Variants in SPDYA observed in about 807,000 individuals in gnomAD.
SPDYA encodes speedy protein A.
In SPDYA, 11 loss-of-function variants were observed where a neutral mutation model predicts 36.7. The observed-to-expected ratio is 0.30, with a 90% CI of 0.19 to 0.50. SPDYA has a LOEUF of 0.50. Ranked by LOEUF, SPDYA falls within the 20% of genes least tolerant of loss-of-function variation. The pLI is 0.98. For missense variants in SPDYA, 287 were observed against 370.9 expected, an observed-to-expected ratio of 0.77 and a Z score of 1.86; for synonymous variants, 115 against 118.7, an observed-to-expected ratio of 0.97 and a Z score of 0.20.
Position 28,819,107 on chromosome 2 carries a change from G to T in SPDYA, c.294+1G>T, listed in dbSNP as rs772759808. The T allele has an allele frequency of 1.2e-6, 2 of 1,608,310 alleles. No homozygotes were observed. The stretch of plus-strand genomic sequence containing the variant: ...CTGCTGCTGTAAAATTGCAGACAAG[G>T]TAAATTTGGTAACAGTATAACAATT... On this transcript the variant is annotated splice_donor_variant, in intron 4 of 7. Transcript: ENST00000334056. LOFTEE classifies it high-confidence loss of function.
chr2:28,823,420 C>T (rs546389673), intron 5 of SPDYA, among the ~76,000 whole-genome samples: 17 of 151,756 alleles, frequency 1.1e-4, no homozygotes, highest in Admixed American at 7.2e-4. Context: ...GTCAGGAGTT[C>T]GATACCAGCC....
chr2:28,841,858 C>T (rs1222631710), intron 7 of SPDYA, among the ~76,000 whole-genome samples: 1 of 152,100 alleles, frequency 6.6e-6, no homozygotes, highest in African/African-American at 2.4e-5. Context: ...ATAGCAAGAC[C>T]CCATCTATTT....
intron 7 of SPDYA, among the ~76,000 whole-genome samples, chr2:28,845,261 T>C (rs1279578517): frequency 6.6e-6 from 1 of 151,130 alleles, no homozygotes; most frequent in Non-Finnish European, 1.5e-5. Flanking sequence ...TTTTTTTTTT[T>C]TTTCTTTTTT....
In SPDYA at chr2:28,850,137, C is replaced by A. The variant is rs1669008838; in HGVS notation, c.*196C>A. On this transcript the variant is annotated 3_prime_UTR_variant, in exon 8 of 8. Transcript: ENST00000334056. ...GCCAATCTATGGAAGCAGTGATTTT[C>A]AATATAAAGTTCTATTTTGATATTT... 3 of 1,462,514 alleles carry A rather than the reference C, an allele frequency of 2.1e-6. No homozygotes were observed. In the East Asian group the frequency reaches 6.8e-5, roughly 33 times the overall value. The allele number at this position is 1,462,514 out of a possible 1,614,324, so 90.6% of individuals were successfully genotyped here. A position where few individuals can be genotyped will look rare whatever the true frequency, so the allele number is the denominator to read the frequency against.
Position 28,850,542 on chromosome 2 carries a change from C to T in SPDYA, c.*601C>T. The T allele has an allele frequency of 1.6e-6, 1 of 607,260 alleles. No homozygotes were observed. Among genetic ancestry groups the T allele is most frequent in the Non-Finnish European group, 2.9e-6 (1 of 347,606 alleles). 37.6% of individuals were successfully genotyped at this position (607,260 alleles called of 1,614,324 possible). ...TTTCCTTGCATATGTTTTAGAGCTA[C>T]TCTGCCAGTTATTATACAGAAACTA... On this transcript the variant is annotated 3_prime_UTR_variant, in exon 8 of 8. Coordinates refer to ENST00000334056, the MANE Select transcript of SPDYA (RefSeq NM_182756.4).
chr2:28,845,051 C>T (rs1668836659), intron 7 of SPDYA, among the ~76,000 whole-genome samples: 1 of 152,132 alleles, frequency 6.6e-6, no homozygotes, highest in South Asian at 2.1e-4. Flanking sequence ...TGCCAAAGTG[C>T]TGGGATTACA....
intron 5 of SPDYA, among the ~76,000 whole-genome samples, chr2:28,824,767 T>C (rs943921953): frequency 2.6e-5 from 4 of 151,924 alleles, no homozygotes; most frequent in African/African-American, 7.2e-5. Flanking sequence ...GCCAGGATGG[T>C]CTTGATCTCC....
At chr2:28,818,347 T>G (rs1668041739) in intron 3 of SPDYA, among the ~76,000 whole-genome samples, 1 of 151,150 alleles carries the variant, frequency 6.6e-6, no homozygotes, top group African/African-American at 2.4e-5. Flanking sequence ...TATGCACCTG[T>G]AGTTCCAGGT....
intron 5 of SPDYA, among the ~76,000 whole-genome samples, chr2:28,825,420 C>T (rs949234041): frequency 1.3e-5 from 2 of 152,022 alleles, no homozygotes; most frequent in Non-Finnish European, 2.9e-5. Flanking sequence ...ATGTAAGCTC[C>T]ATATTAAAAA....
At chr2:28,815,470 T>C (rs1667961602) in intron 2 of SPDYA, among the ~76,000 whole-genome samples, 1 of 152,188 alleles carries the variant, frequency 6.6e-6, no homozygotes, top group African/African-American at 2.4e-5. Flanking sequence ...AATAAGTGAA[T>C]TTTATAATAT....
rs775666363 is a variant in SPDYA, at chr2:28,840,215, G to T, written c.596G>T (p.Arg199Leu). Residue 199 changes from arginine to leucine, a missense_variant, in exon 7 of 8, where the codon CGT becomes CTT. Arg to Leu is a moderately radical substitution (Grantham distance 102, BLOSUM62 -2). Transcript: ENST00000334056. ...ACCCATTATATCTGGCAAAGAGAAC[G>T]TTCTGTTCATCACAGTGGAGCTGTC... ...APTHYIWQRE[R>L]SVHHSGAVRN... The T allele has an allele frequency of 1.2e-6, 2 of 1,614,156 alleles. No homozygotes were observed. Among genetic ancestry groups the T allele is most frequent in the Non-Finnish European group, 8.5e-7 (1 of 1,180,020 alleles).
At chr2:28,816,311 TC>T in intron 3 of SPDYA, 62 bp downstream of exon 3, 1 of 1,210,470 alleles carries the variant, frequency 8.3e-7, no homozygotes, top group East Asian at 2.5e-5. Context: ...AATGTAAACA[TC>T]TAAATGTTTT....
chr2:28,850,110 A>C lies in SPDYA; in HGVS notation c.*169A>C. The C allele has an allele frequency of 7.6e-7, 1 of 1,318,916 alleles. No homozygotes were observed. Among genetic ancestry groups the C allele is most frequent in the Non-Finnish European group, 1.1e-6 (1 of 935,492 alleles). The allele number at this position is 1,318,916 out of a possible 1,614,324, so 81.7% of individuals were successfully genotyped here. ...ATATAAGTCATAGTAATAGCTAAAAATGCCAATCTATGGAAGCAGTGATTT... is the reference window on the plus strand; with the variant it reads ...ATATAAGTCATAGTAATAGCTAAAACTGCCAATCTATGGAAGCAGTGATTT... On this transcript the variant is annotated 3_prime_UTR_variant, in exon 8 of 8. Coordinates refer to ENST00000334056, the MANE Select transcript of SPDYA (RefSeq NM_182756.4).
chr2:28,819,850 ATATATATATAT>A (rs1183202239), intron 4 of SPDYA, among the ~76,000 whole-genome samples: 1 of 6,900 alleles, frequency 1.4e-4, no homozygotes, highest in African/African-American at 6.5e-4. Flanking sequence ...AAAAAAAAAA[ATATATATATAT>A]ATATATATAT....
At chr2:28,829,434 A>C (rs1288079594) in intron 6 of SPDYA, 115 bp downstream of exon 6, 9 of 769,000 alleles carry the variant, frequency 1.2e-5, no homozygotes, top group Non-Finnish European at 2.0e-6. Flanking sequence ...TTTTTTTTCT[A>C]ATATGTGGAG....
intron 6 of SPDYA, among the ~76,000 whole-genome samples, chr2:28,836,252 C>T (rs573622580): frequency 7.2e-5 from 11 of 152,260 alleles, no homozygotes; most frequent in Admixed American, 2.6e-4. Context: ...TAATGACTTC[C>T]TAGTGTTCTC....
intron 3 of SPDYA, among the ~76,000 whole-genome samples, chr2:28,818,464 GAA>G (rs1668048088): frequency 2.1e-5 from 3 of 143,582 alleles, no homozygotes; most frequent in South Asian, 2.2e-4. Flanking sequence ...AAAAAAAAGA[GAA>G]AGAGAGAAAG....
intron 6 of SPDYA, among the ~76,000 whole-genome samples, chr2:28,837,835 G>A (rs1348611350): frequency 1.3e-5 from 2 of 150,476 alleles, no homozygotes; most frequent in Non-Finnish European, 2.9e-5. Flanking sequence ...GAGAGGAGAA[G>A]CTGACTGGGT....
At chr2:28,849,755 CTTA>C (rs1340419409) in intron 7 of SPDYA, 92 bp from the exon 8 acceptor site, 2 of 650,126 alleles carry the variant, frequency 3.1e-6, no homozygotes, top group East Asian at 3.2e-5. Flanking sequence ...CCCAGATTTC[CTTA>C]TTATTTTTTA....
Sources: gnomAD v4.1 joint callset for allele counts (sites outside exome capture counted in the v4.1 genomes callset) on GRCh38, gnomAD v4.1.1 for gene constraint, MANE v1.5 for transcripts, NCBI Gene and HGNC (gene_info 2026-07-23, HGNC 2026-07-21) for gene names.